PFKFB2: variants seen among roughly 807,000 people sequenced by gnomAD.
The protein encoded by PFKFB2 is 6-phosphofructo-2-kinase/fructose-2,6-bisphosphatase 2.
A neutral mutation model predicts 68.0 loss-of-function variants in PFKFB2; 53 were observed. The observed-to-expected ratio is 0.78, with a 90% CI of 0.63 to 0.98. The LOEUF (loss-of-function observed/expected upper bound fraction) is 0.98, where lower values mean the gene tolerates loss of function less well. Ranked by LOEUF, PFKFB2 falls within the 50% of genes least tolerant of loss-of-function variation. The pLI, the probability that PFKFB2 is intolerant of heterozygous loss-of-function variation, is 0.00. For synonymous variants in PFKFB2, 222 were observed against 227.6 expected (o/e 0.98, Z 0.22); for missense variants, 451 against 642.0 (o/e 0.70, Z 3.22).
upstream of PFKFB2, chr1:207,050,974 G>A (rs900736502): frequency 5.8e-6 from 9 of 1,541,204 alleles, no homozygotes; most frequent in African/African-American, 2.7e-5. Context: ...AGACGCCGCC[G>A]GGGAAACCAG....
Position 207,062,725 on chromosome 1 carries a change from T to C in PFKFB2, c.308+9T>C, listed in dbSNP as rs1397021503. On this transcript the variant is annotated intron_variant, in intron 4 of 14. Coordinates refer to ENST00000367080, the MANE Select transcript of PFKFB2 (RefSeq NM_006212.2). ...GCCATGAAGATCCGCAAGTGAGTCT[T>C]GTTTAAGGCCTGATCTCCAGGTCAG... The C allele has an allele frequency of 6.2e-7, 1 of 1,612,804 alleles. No individual in the cohort carries two copies. Among genetic ancestry groups the C allele is most frequent in the South Asian group, 1.1e-5 (1 of 90,942 alleles).
At chr1:207,048,756 G>C, upstream of PFKFB2, 2 of 429,234 alleles carry the variant, frequency 4.7e-6, no homozygotes, top group South Asian at 5.9e-5. Context: ...TCAGGTCAGT[G>C]TCAGTAGGTG....
At chr1:207,045,944 C>A (rs1682591193) in intron 2 of PFKFB2, 1 of 152,042 alleles carries the variant, frequency 6.6e-6, no homozygotes, top group South Asian at 2.1e-4. Flanking sequence ...TCATGGGAAA[C>A]AATGAAGAAA....
Position 207,074,683 on chromosome 1 carries a change from T to C in PFKFB2, c.*2312T>C, listed in dbSNP as rs1683574843. 2 of 985,316 alleles carry C rather than the reference T, an allele frequency of 2.0e-6. No individual in the cohort carries two copies. Among genetic ancestry groups the C allele is most frequent in the African/African-American group, 3.5e-5 (2 of 57,246 alleles). 61.0% of individuals were successfully genotyped at this position (985,316 alleles called of 1,614,324 possible). A position where few individuals can be genotyped will look rare whatever the true frequency, so the allele number is the denominator to read the frequency against. ...TGTACTTAGTGTCTTTGTGGAGCTT[T>C]GGGCTGGTAGGGGCAGGGATAGGGG... On this transcript the variant is annotated 3_prime_UTR_variant, in exon 15 of 15. Transcript: ENST00000367080.
intron 13 of PFKFB2, 108 bp downstream of exon 13, chr1:207,071,358 C>A: frequency 9.1e-7 from 1 of 1,100,960 alleles, no homozygotes; most frequent in African/African-American, 1.5e-5. Flanking sequence ...ACCAGGGAAG[C>A]TCCATCAGTG....
upstream of PFKFB2, chr1:207,049,627 G>A: frequency 6.2e-7 from 1 of 1,614,206 alleles, no homozygotes; most frequent in Non-Finnish European, 8.5e-7. Context: ...GGTAAGCACA[G>A]GCAAAGTTTC....
Position 207,076,268 on chromosome 1 carries a change from T to A in PFKFB2, c.*3897T>A, listed in dbSNP as rs1435382736. 6 of 959,828 alleles carry A rather than the reference T, an allele frequency of 6.3e-6. No individual in the cohort carries two copies. Among genetic ancestry groups the A allele is most frequent in the African/African-American group, 3.5e-5 (2 of 56,446 alleles). 59.5% of individuals were successfully genotyped at this position (959,828 alleles called of 1,614,324 possible). ...TTTTTTTTTCTTTTTTTTTTTTTTTTATGAGCAGGAGATCTTAATTGACAG... is the reference window on the plus strand; with the variant it reads ...TTTTTTTTTCTTTTTTTTTTTTTTTAATGAGCAGGAGATCTTAATTGACAG... On this transcript the variant is annotated 3_prime_UTR_variant, in exon 15 of 15. Coordinates refer to ENST00000367080, the MANE Select transcript of PFKFB2 (RefSeq NM_006212.2).
chr1:207,049,238 C>G (rs1271110116), upstream of PFKFB2: 1 of 1,614,084 alleles, frequency 6.2e-7, no homozygotes, highest in Admixed American at 1.7e-5. Context: ...GTATCTGGAT[C>G]AGGGAAGTTA....
At chr1:207,050,780 G>A (rs763326986), upstream of PFKFB2, 3 of 1,613,444 alleles carry the variant, frequency 1.9e-6, no homozygotes, top group Non-Finnish European at 2.5e-6. Context: ...CTGACCGCCG[G>A]GGGCGATCCC....
At chr1:207,046,094 A>G (rs903242602) in intron 2 of PFKFB2, 4 of 152,058 alleles carry the variant, frequency 2.6e-5, no homozygotes, top group Admixed American at 1.3e-4. Flanking sequence ...ACTACACCTG[A>G]CCTTTAATCC....
At chr1:207,049,415 T>A (rs1325202645), upstream of PFKFB2, 7 of 1,614,194 alleles carry the variant, frequency 4.3e-6, no homozygotes. Context: ...CCTCCCCAAG[T>A]GTCATCCCTT....
chr1:207,047,607 C>T (rs1023631484), intron 2 of PFKFB2: 1 of 152,440 alleles, frequency 6.6e-6, no homozygotes, highest in Non-Finnish European at 1.5e-5. Flanking sequence ...ATTTAGCATC[C>T]CTGATCAGAA....
intron 2 of PFKFB2, chr1:207,061,055 A>T (rs978904777): frequency 1.1e-5 from 1 of 93,298 alleles, no homozygotes; most frequent in Non-Finnish European, 2.5e-5. Flanking sequence ...TATATATTTT[A>T]TATATATCTT....
chr1:207,064,953 C>CA, intron 7 of PFKFB2, 83 bp from the exon 8 acceptor site: 1 of 1,476,136 alleles, frequency 6.8e-7, no homozygotes, highest in Non-Finnish European at 9.2e-7. Context: ...ACTTCTTTTT[C>CA]TTTTTTTTAG....
At chr1:207,062,126 C>G in intron 3 of PFKFB2, 48 bp downstream of exon 3, 1 of 1,611,866 alleles carries the variant, frequency 6.2e-7, no homozygotes, top group Non-Finnish European at 8.5e-7. Context: ...GTTCCTGGGC[C>G]TCACAGGTCT....
At chr1:207,038,738 G>C (rs888378315) in intron 1 of PFKFB2, among the ~76,000 whole-genome samples, 2 of 152,120 alleles carry the variant, frequency 1.3e-5, no homozygotes, top group African/African-American at 4.8e-5. Context: ...GTTTGAGAGA[G>C]TCATCACATC....
rs1429566532 is a variant in PFKFB2 at position 207,070,781 on chromosome 1, G to A, written c.1222+372G>A. 1.1e-5 allele frequency: 3 copies of A among 283,114 alleles called. No individual in the cohort carries two copies. Among genetic ancestry groups the A allele is most frequent in the Non-Finnish European group, 2.0e-5 (3 of 146,938 alleles). The allele number at this position is 283,114 out of a possible 1,614,324, so 17.5% of individuals were successfully genotyped here. On this transcript the variant is annotated intron_variant, in intron 12 of 14. Transcript: ENST00000367080. The surrounding 1 kb of genome is among the most constrained non-coding windows in gnomAD (Gnocchi z 4.2). ...TGTTTCTGGGTAAGGGCAGTAAGAA[G>A]GTGCCGTTGCCTTCTTCCATACTTC...
chr1:207,050,608 C>T (rs929507985), upstream of PFKFB2: 1 of 1,585,134 alleles, frequency 6.3e-7, no homozygotes, highest in Non-Finnish European at 8.6e-7. Context: ...AGCCACCTTG[C>T]CTTGACTGGT....
downstream of PFKFB2, chr1:207,077,825 G>T (rs1683671557): frequency 1.0e-6 from 1 of 985,102 alleles, no homozygotes; most frequent in African/African-American, 1.7e-5. Context: ...CTATCAGAAG[G>T]CTTCTGGGTT....
Sources: allele counts gnomAD v4.1 joint callset (sites outside exome capture counted in the v4.1 genomes callset), GRCh38; gene constraint gnomAD v4.1.1; non-coding constraint Gnocchi (gnomAD v3.1); transcripts MANE v1.5; gene names NCBI Gene and HGNC (gene_info 2026-07-23, HGNC 2026-07-21).